Variants in HS3ST3A1 observed in about 807,000 individuals in gnomAD.
HS3ST3A1 encodes the protein heparan sulfate glucosamine 3-O-sulfotransferase 3A1.
HS3ST3A1 carries 19 observed loss-of-function variants against 25.7 expected under a neutral mutation model. The ratio of observed to expected loss-of-function variants is 0.74; its 90% CI spans 0.52 to 1.08. HS3ST3A1 has a LOEUF of 1.08. HS3ST3A1 is among the 50% of genes least tolerant of loss of function. The pLI, the probability that HS3ST3A1 is intolerant of heterozygous loss-of-function variation, is 0.00. For missense variants in HS3ST3A1, 459 were observed against 594.3 expected, an observed-to-expected ratio of 0.77 and a Z score of 2.37; for synonymous variants, 226 against 278.6, an observed-to-expected ratio of 0.81 and a Z score of 1.88.
intron 1 of HS3ST3A1, among the ~76,000 whole-genome samples, chr17:13,545,330 A>C (rs549781669): frequency 2.2e-4 from 33 of 152,376 alleles, no homozygotes; most frequent in African/African-American, 7.2e-4. Flanking sequence ...TGGAGACATC[A>C]GTGCTCATTC....
At position 13,600,608 on chromosome 17, in the gene HS3ST3A1, C is replaced by A; in HGVS notation, c.522G>T (p.Val174=). The A allele has an allele frequency of 1.3e-6, 2 of 1,599,614 alleles. No homozygotes were observed. Among genetic ancestry groups the A allele is most frequent in the Non-Finnish European group, 1.7e-6 (2 of 1,177,760 alleles). Residue 174 remains valine (V), a synonymous_variant, in exon 1 of 2, where the codon GTG becomes GTT. Coordinates refer to ENST00000284110, the MANE Select transcript of HS3ST3A1 (RefSeq NM_006042.3). ...CGCCCACGGCGCGCACGTCGGGGTG[C>A]ACGCGCAGGAACTCCAGCAGCGCCC... ...GTRALLEFLR[V]HPDVRAVGAE... is the part of the protein sequence containing the mutation.
chr17:13,564,568 A>C (rs1246923472), intron 1 of HS3ST3A1, among the ~76,000 whole-genome samples: 1 of 152,150 alleles, frequency 6.6e-6, no homozygotes, highest in East Asian at 1.9e-4. Context: ...ATGCTACGTA[A>C]ACAGCTCTTA....
chr17:13,585,503 T>G (rs1908234455), intron 1 of HS3ST3A1, among the ~76,000 whole-genome samples: 1 of 125,754 alleles, frequency 8.0e-6, no homozygotes, highest in African/African-American at 2.6e-5. Flanking sequence ...CCTGGCCCTA[T>G]TCTCCTTTTT....
chr17:13,537,599 T>C (rs1906808790), intron 1 of HS3ST3A1, among the ~76,000 whole-genome samples: 1 of 152,226 alleles, frequency 6.6e-6, no homozygotes, highest in Non-Finnish European at 1.5e-5. Context: ...CTGGCAAATG[T>C]ATTGCGCCTA....
chr17:13,516,081 C>T (rs190767729), intron 1 of HS3ST3A1, among the ~76,000 whole-genome samples: 62 of 152,144 alleles, frequency 4.1e-4, no homozygotes, highest in Non-Finnish European at 2.4e-4. Flanking sequence ...AAGGCCGAAG[C>T]GGGCGAATCA....
intron 1 of HS3ST3A1, among the ~76,000 whole-genome samples, chr17:13,545,932 G>C (rs1279995668): frequency 2.0e-5 from 3 of 152,084 alleles, no homozygotes; most frequent in Admixed American, 2.0e-4. Flanking sequence ...AACCGAGATT[G>C]TGTCACTGCA....
At chr17:13,553,396 C>T (rs879327053) in intron 1 of HS3ST3A1, among the ~76,000 whole-genome samples, 31 of 152,104 alleles carry the variant, frequency 2.0e-4, no homozygotes, top group Non-Finnish European at 4.4e-4. Context: ...TGGTTTAAGC[C>T]AGAAGCCATC....
At chr17:13,569,704 G>A (rs1182092584) in intron 1 of HS3ST3A1, among the ~76,000 whole-genome samples, 1 of 152,218 alleles carries the variant, frequency 6.6e-6, no homozygotes, top group East Asian at 1.9e-4. Context: ...TAATGCAAGA[G>A]ACCTCCACTG....
In HS3ST3A1 at chr17:13,564,835, T is replaced by C. The variant is rs185400911; in HGVS notation, c.599+35696A>G. ...ACCTCCCGAGTTCAAATGATTCTTATGCCTCAATCTCTCAAGTAGCTGGGA... is the reference window on the plus strand; with the variant it reads ...ACCTCCCGAGTTCAAATGATTCTTACGCCTCAATCTCTCAAGTAGCTGGGA... On this transcript the variant is annotated intron_variant, in intron 1 of 1. Transcript: ENST00000284110. Among the ~76,000 whole-genome samples the C allele has an allele frequency of 3.8e-4, 57 of 151,688 alleles. No homozygotes were observed. The East Asian group carries it at 5.7e-3, about 15-fold the overall frequency.
At chr17:13,566,551 T>C (rs962406693) in intron 1 of HS3ST3A1, among the ~76,000 whole-genome samples, 1 of 152,222 alleles carries the variant, frequency 6.6e-6, no homozygotes, top group Non-Finnish European at 1.5e-5. Context: ...TGTTGAAAGC[T>C]GAGACAGGCT....
At chr17:13,591,591 TA>T (rs1908425016) in intron 1 of HS3ST3A1, among the ~76,000 whole-genome samples, 1 of 152,078 alleles carries the variant, frequency 6.6e-6, no homozygotes, top group African/African-American at 2.4e-5. Flanking sequence ...CAGAGGTATT[TA>T]AATACTTTTA....
intron 1 of HS3ST3A1, among the ~76,000 whole-genome samples, chr17:13,579,458 T>C (rs1389148997): frequency 6.6e-6 from 1 of 152,016 alleles, no homozygotes; most frequent in East Asian, 1.9e-4. Context: ...CCCAGCACTA[T>C]AGGAGGCCGA....
chr17:13,548,793 C>T (rs1373300680), intron 1 of HS3ST3A1, among the ~76,000 whole-genome samples: 2 of 152,162 alleles, frequency 1.3e-5, no homozygotes, highest in African/African-American at 2.4e-5. Flanking sequence ...TTTATAAACA[C>T]ACCAATCAGC....
intron 1 of HS3ST3A1, among the ~76,000 whole-genome samples, chr17:13,586,634 G>A (rs887783112): frequency 1.3e-5 from 2 of 151,592 alleles, no homozygotes; most frequent in Non-Finnish European, 2.9e-5. Context: ...TTGGGACGCC[G>A]AGGCGGGCGG....
Position 13,581,124 on chromosome 17 carries a change from G to A in HS3ST3A1, c.599+19407C>T, listed in dbSNP as rs1908101221. Among the ~76,000 whole-genome samples, 19 of 152,146 alleles carry A rather than the reference G, an allele frequency of 1.2e-4. No individual in the cohort carries two copies. The South Asian group carries it at 3.5e-3, about 28-fold the overall frequency. On this transcript the variant is annotated intron_variant, in intron 1 of 1. Transcript: ENST00000284110. ...TTAATATTAATATATTAATTCCATT[G>A]GAACAAATTTGCATTTCAATACAAG...
At chr17:13,509,620 G>A (rs1404699206) in intron 1 of HS3ST3A1, among the ~76,000 whole-genome samples, 2 of 152,106 alleles carry the variant, frequency 1.3e-5, no homozygotes, top group East Asian at 1.9e-4. Flanking sequence ...TAGGTTACAA[G>A]GAGACAGAGA....
intron 1 of HS3ST3A1, among the ~76,000 whole-genome samples, chr17:13,514,023 T>A (rs536402907): frequency 1.0e-3 from 157 of 152,268 alleles, no homozygotes; most frequent in Non-Finnish European, 2.0e-3. Context: ...AATGATTTTT[T>A]AATATTTTAA....
chr17:13,582,245 T>C (rs903488956), intron 1 of HS3ST3A1, among the ~76,000 whole-genome samples: 2 of 152,214 alleles, frequency 1.3e-5, no homozygotes, highest in East Asian at 1.9e-4. Context: ...AACTTTCTGT[T>C]TTCAAGGAAA....
chr17:13,586,100 G>C (rs952107641), intron 1 of HS3ST3A1, among the ~76,000 whole-genome samples: 15 of 151,936 alleles, frequency 9.9e-5, no homozygotes, highest in African/African-American at 3.6e-4. Context: ...GCCCGCCTCA[G>C]CCTCCCAAAG....
Sources: gnomAD v4.1 joint callset for allele counts (sites outside exome capture counted in the v4.1 genomes callset) on GRCh38, gnomAD v4.1.1 for gene constraint, MANE v1.5 for transcripts, NCBI Gene and HGNC (gene_info 2026-07-23, HGNC 2026-07-21) for gene names.